The following SCN4A variants were observed in gnomAD, a reference collection of about 807,000 sequenced individuals.
SCN4A encodes the protein sodium voltage-gated channel alpha subunit 4, also known as sodium channel protein type 4 subunit alpha.
In SCN4A, 83 loss-of-function variants were observed where a neutral mutation model predicts 162.0. The observed-to-expected ratio is 0.51, with a 90% CI of 0.43 to 0.61. The LOEUF (loss-of-function observed/expected upper bound fraction) is 0.61, where lower values mean the gene tolerates loss of function less well. SCN4A is among the 20% of genes least tolerant of loss of function. SCN4A has a pLI of 0.00. For synonymous variants in SCN4A, 944 were observed against 985.1 expected (o/e 0.96, Z 0.78); for missense variants, 2,196 against 2,462.5 (o/e 0.89, Z 2.29).
intron 15 of SCN4A, 123 bp from the exon 16 acceptor site, chr17:63,948,888 GC>G: frequency 2.4e-6 from 2 of 832,796 alleles, no homozygotes; most frequent in Non-Finnish European, 1.8e-6. Context: ...CAGACCCAGG[GC>G]CCCCACCTCC....
At position 63,947,125 on chromosome 17, in the gene SCN4A, C is replaced by T. The variant is rs775621409; in HGVS notation, c.3361G>A (p.Glu1121Lys). Residue 1121 changes from glutamate (E) to lysine (K), a missense_variant, in exon 18 of 24, where the codon GAG becomes AAG. Coordinates refer to ENST00000435607, the MANE Select transcript of SCN4A (RefSeq NM_000334.4). Reference sequence around the variant, plus strand: ...CGCAGGGATTTGATGGGTCCCAGCTCCGAGTAGCCCAGCCAGTTGGCCACC... The same window carrying T: ...CGCAGGGATTTGATGGGTCCCAGCTTCGAGTAGCCCAGCCAGTTGGCCACC... ...SLVANWLGYSELGPIKSLRTL... is the reference protein window; with the variant it reads ...SLVANWLGYSKLGPIKSLRTL... 6.2e-7 allele frequency: 1 copy of T among 1,613,548 alleles called. No individual in the cohort carries two copies. Among genetic ancestry groups the T allele is most frequent in the Non-Finnish European group, 8.5e-7 (1 of 1,179,782 alleles).
chr17:63,948,050 A>T lies in SCN4A; in HGVS notation c.3158T>A (p.Ile1053Asn). ...LSSGALAFED[I>N]YIEQRRVIRT... ...AATGACTCGCCGCTGCTCAATGTAG[A>T]TGTCCTCGAAGGCCTGGGGGCACCA... is the stretch of plus-strand genomic sequence containing the variant. Residue 1053 changes from isoleucine (I) to asparagine (N), a missense_variant, in exon 17 of 24, where the codon ATC becomes AAC. Transcript: ENST00000435607. 6.2e-7 allele frequency: 1 copy of T among 1,603,088 alleles called. No homozygotes were observed. Among genetic ancestry groups the T allele is most frequent in the South Asian group, 1.1e-5 (1 of 90,458 alleles).
chr17:63,960,496 GCATCTCGCC>G (rs1909212403), intron 11 of SCN4A, among the ~76,000 whole-genome samples: 1 of 152,224 alleles, frequency 6.6e-6, no homozygotes, highest in African/African-American at 2.4e-5. Context: ...GGGTTGGGGA[GCATCTCGCC>G]CATTTGCCGT....
At chr17:63,947,257 T>A in intron 17 of SCN4A, 90 bp from the exon 18 acceptor site, 2 of 1,526,076 alleles carry the variant, frequency 1.3e-6, no homozygotes, top group Admixed American at 1.7e-5. Context: ...GACTCACAGC[T>A]CCTGGTTGTC....
intron 11 of SCN4A, among the ~76,000 whole-genome samples, chr17:63,960,210 A>T (rs539069817): frequency 2.0e-4 from 31 of 152,226 alleles, no homozygotes; most frequent in Admixed American, 3.9e-4. Flanking sequence ...GTCCCTGGCC[A>T]CAGCAGGTGC....
At chr17:63,953,913 A>T (rs1908993033) in intron 13 of SCN4A, among the ~76,000 whole-genome samples, 2 of 152,118 alleles carry the variant, frequency 1.3e-5, no homozygotes, top group Non-Finnish European at 2.9e-5. Flanking sequence ...TACAAGGTGA[A>T]TGGCAGCCCT....
intron 13 of SCN4A, among the ~76,000 whole-genome samples, chr17:63,955,121 T>C (rs771278663): frequency 3.9e-5 from 6 of 152,236 alleles, no homozygotes; most frequent in Non-Finnish European, 5.9e-5. Context: ...ACTGTTGTCA[T>C]TGATGTTATC....
intron 5 of SCN4A, among the ~76,000 whole-genome samples, chr17:63,970,365 T>C (rs575948712): frequency 6.6e-6 from 1 of 152,308 alleles, no homozygotes; most frequent in South Asian, 2.1e-4. Context: ...ATGCCACAGA[T>C]AAGGAAACTG....
chr17:63,966,446 G>C (rs770254898), intron 7 of SCN4A, 35 bp downstream of exon 7: 76 of 1,594,104 alleles, frequency 4.8e-5, no homozygotes, highest in Middle Eastern at 3.3e-4. Flanking sequence ...CAAGACCCCT[G>C]GGGTGCCTTT....
chr17:63,940,757 C>T lies in SCN4A; in HGVS notation c.*14G>A. 1 of 1,545,884 alleles carries T rather than the reference C, an allele frequency of 6.5e-7. No homozygotes were observed. The highest frequency in any genetic ancestry group is 8.7e-7 in the Non-Finnish European group (1 of 1,144,856). On this transcript the variant is annotated 3_prime_UTR_variant, in exon 24 of 24. Transcript: ENST00000435607. The stretch of plus-strand genomic sequence containing the variant: ...ACTATGCCGAGACTCAGTGGGCCAC[C>T]CCGATGCTGCCTGCTAGACAAGAGA...
chr17:63,950,631 C>T lies in SCN4A; in HGVS notation c.2853+793G>A, dbSNP rs1908877278. Among the ~76,000 whole-genome samples, 1 of 152,224 alleles carries T rather than the reference C, an allele frequency of 6.6e-6. No homozygotes were observed. Among genetic ancestry groups the T allele is most frequent in the Admixed American group, 6.5e-5 (1 of 15,288 alleles). On this transcript the variant is annotated intron_variant, in intron 14 of 23. Transcript: ENST00000435607. The surrounding 1 kb of genome is among the most constrained non-coding windows in gnomAD (Gnocchi z 4.6). ...CAGGGCAAAGTTCATTAGGCTCAGG[C>T]TGATGGTGCAGGGGTGGGCAGGGGC...
rs758540347 is a variant in SCN4A at position 63,964,642 on chromosome 17, G to A, written c.1278C>T (p.Phe426=). The A allele has an allele frequency of 1.1e-5, 17 of 1,611,728 alleles. No individual in the cohort carries two copies. Among genetic ancestry groups the A allele is most frequent in the Admixed American group, 5.0e-5 (3 of 59,702 alleles). The stretch of plus-strand genomic sequence containing the variant: ...AGCCCAGGAAGATGATGACCACGAA[G>A]AAGATCATGTAGGTCTTGCCAGCTG... The part of the protein sequence containing the change: ...LRAAGKTYMI[F]FVVIIFLGSF... The change falls in exon 9 of 24, where the codon TTC becomes TTT. Residue 426 remains phenylalanine (F), a synonymous_variant. Coordinates refer to ENST00000435607, the MANE Select transcript of SCN4A (RefSeq NM_000334.4).
At chr17:63,943,418 C>T (rs994751349) in intron 22 of SCN4A, among the ~76,000 whole-genome samples, 2 of 152,114 alleles carry the variant, frequency 1.3e-5, no homozygotes, top group African/African-American at 4.8e-5. Context: ...GGACATCCTC[C>T]TCCTTCCACT....
rs1908650423 is a variant in SCN4A, at chr17:63,944,576, A to G, written c.3912+97T>C. On this transcript the variant is annotated intron_variant, in intron 21 of 23. Transcript: ENST00000435607. The surrounding 1 kb of genome is among the most constrained non-coding windows in gnomAD (Gnocchi z 4.3). The stretch of plus-strand genomic sequence containing the variant: ...TGAACCAACAACCTGGTAGGTGCTC[A>G]GGCAGCGTTTGTGGGTTTGTGCAAT... The G allele has an allele frequency of 7.3e-7, 1 of 1,364,938 alleles. No homozygotes were observed. 84.6% of individuals were successfully genotyped at this position (1,364,938 alleles called of 1,614,324 possible). A position where few individuals can be genotyped will look rare whatever the true frequency, so the allele number is the denominator to read the frequency against.
In SCN4A at chr17:63,957,417, C is replaced by T; in HGVS notation, c.2121G>A (p.Leu707=). The T allele has an allele frequency of 6.2e-7, 1 of 1,614,080 alleles. No individual in the cohort carries two copies. Among genetic ancestry groups the T allele is most frequent in the Non-Finnish European group, 8.5e-7 (1 of 1,179,932 alleles). Residue 707 remains leucine (L), a synonymous_variant, in exon 13 of 24, where the codon CTG becomes CTA. Transcript: ENST00000435607. ...VGALGNLTLV[L]AIIVFIFAVV... ...CGGCGAAGATGAACACGATGATAGC[C>T]AGCACCAGCGTCAGGTTACCCAGCG...
Position 63,943,752 on chromosome 17 carries a change from C to A in SCN4A, c.4011G>T (p.Arg1337=), listed in dbSNP as rs1908622027. The A allele has an allele frequency of 1.9e-6, 3 of 1,606,042 alleles. No homozygotes were observed. The highest frequency in any genetic ancestry group is 2.6e-6 in the Non-Finnish European group (3 of 1,173,016). The change falls in exon 22 of 24, where the codon CGG becomes CGT. Residue 1337 remains arginine (R), a synonymous_variant. Transcript: ENST00000435607. ...GGGGCCCAGAGGTCTGTACCTGGGGCCGGGGAATTGGCTTCTGAGGCTTCT... is the reference window on the plus strand; with the variant it reads ...GGGGCCCAGAGGTCTGTACCTGGGGACGGGGAATTGGCTTCTGAGGCTTCT... ...GSKKPQKPIP[R]PQNKIQGMVY... is the part of the protein sequence containing the mutation.
At chr17:63,970,484 G>A (rs1909579409) in intron 5 of SCN4A, among the ~76,000 whole-genome samples, 2 of 152,108 alleles carry the variant, frequency 1.3e-5, no homozygotes, top group South Asian at 2.1e-4. Flanking sequence ...TTTCTTTTGA[G>A]ACAGAGTCTT....
chr17:63,941,089 G>A lies in SCN4A; in HGVS notation c.5193C>T (p.Ala1731=), dbSNP rs1364288353. ...TLKRKHEEVC[A]IKIQRAYRRH... is the part of the protein sequence containing the mutation. ...GGCGGTAGGCCCTCTGGATCTTGAT[G>A]GCGCACACCTCCTCGTGCTTCCTCT... is the stretch of plus-strand genomic sequence containing the variant. Residue 1731 remains alanine (A), a synonymous_variant, in exon 24 of 24, where the codon GCC becomes GCT. Coordinates refer to ENST00000435607, the MANE Select transcript of SCN4A (RefSeq NM_000334.4). The surrounding 1 kb of genome is among the most constrained non-coding windows in gnomAD (Gnocchi z 6.2). 4 of 1,613,992 alleles carry A rather than the reference G, an allele frequency of 2.5e-6. No homozygotes were observed. The highest frequency in any genetic ancestry group is 1.7e-6 in the Non-Finnish European group (2 of 1,179,882).
In SCN4A at chr17:63,943,045, T is replaced by C; in HGVS notation, c.4069A>G (p.Ile1357Val). 1.2e-6 allele frequency: 2 copies of C among 1,613,940 alleles called. No homozygotes were observed. The highest frequency in any genetic ancestry group is 2.2e-5 in the South Asian group (2 of 91,080). The stretch of plus-strand genomic sequence containing the variant: ...AGGCAGATGAGGATCATGATGGTGA[T>C]GTCGAAGGCCTGCTTCGTCACGAGG... ...YDLVTKQAFD[I>V]TIMILICLNM... The change falls in exon 23 of 24, where the codon ATC becomes GTC. Residue 1357 changes from isoleucine to valine, a missense_variant. Coordinates refer to ENST00000435607, the MANE Select transcript of SCN4A (RefSeq NM_000334.4).
Sources: allele counts gnomAD v4.1 joint callset (sites outside exome capture counted in the v4.1 genomes callset), GRCh38; gene constraint gnomAD v4.1.1; non-coding constraint Gnocchi (gnomAD v3.1); transcripts MANE v1.5; gene names NCBI Gene and HGNC (gene_info 2026-07-23, HGNC 2026-07-21).